The following PCDH15 variants were observed in gnomAD, a reference collection of about 807,000 sequenced individuals.
PCDH15 encodes the protein protocadherin related 15.
A neutral mutation model predicts 178.5 loss-of-function variants in PCDH15; 129 were observed. The observed-to-expected ratio is 0.72, with a 90% CI of 0.63 to 0.84. The LOEUF is 0.84. PCDH15 is among the 40% of genes least tolerant of loss of function. The probability of loss-of-function intolerance (pLI) is 0.00; values close to 1 mark genes in which losing one functional copy is unlikely to be tolerated. For synonymous variants in PCDH15, 800 were observed against 732.0 expected (o/e 1.09, Z -1.50); for missense variants, 2,230 against 2,099.9 (o/e 1.06, Z -1.21).
intron 3 of PCDH15, among the ~76,000 whole-genome samples, chr10:54,469,856 A>G (rs926532235): frequency 6.6e-6 from 1 of 152,082 alleles, no homozygotes; most frequent in Non-Finnish European, 1.5e-5. Flanking sequence ...ACAGGCTGCA[A>G]TGGCCAGTCT....
intron 20 of PCDH15, among the ~76,000 whole-genome samples, chr10:54,006,730 A>T (rs763730456): frequency 2.8e-4 from 42 of 152,082 alleles, no homozygotes; most frequent in Admixed American, 1.4e-3. Flanking sequence ...GGGTAGCAAT[A>T]TTTCTTTCTG....
chr10:54,008,684 T>C (rs762897922), intron 20 of PCDH15, among the ~76,000 whole-genome samples: 1 of 150,282 alleles, frequency 6.7e-6, no homozygotes, highest in Non-Finnish European at 1.5e-5. Flanking sequence ...TTTTTCGATC[T>C]GGGAAGAAAA....
chr10:54,897,404 T>C (rs1158481665), intron 3 of PCDH15: 2 of 152,322 alleles, frequency 1.3e-5, no homozygotes, highest in East Asian at 1.9e-4. Context: ...ACCGTTGACA[T>C]GAAATTTTAA....
At chr10:55,073,328 A>C (rs922325242) in intron 2 of PCDH15, among the ~76,000 whole-genome samples, 1 of 152,124 alleles carries the variant, frequency 6.6e-6, no homozygotes, top group Non-Finnish European at 1.5e-5. Flanking sequence ...TGCAGATGAC[A>C]TGATTGTATA....
Position 55,314,733 on chromosome 10 carries a change from T to C in PCDH15, c.-156+4866A>G, listed in dbSNP as rs564053621. Among the ~76,000 whole-genome samples, 5 of 152,298 alleles carry C rather than the reference T, an allele frequency of 3.3e-5. No homozygotes were observed. The South Asian group carries it at 1.0e-3, about 32-fold the overall frequency. On this transcript the variant is annotated intron_variant, in intron 1 of 5. Coordinates refer to the PCDH15 transcript ENST00000458638. ...TCTTCTTATTCTTATCTTAAGTAGC[T>C]CAGTTACGTTTTTCCACATCTAAGT...
At chr10:55,607,532 A>T (rs1225588300) in intron 2 of PCDH15, among the ~76,000 whole-genome samples, 42 of 140,528 alleles carry the variant, frequency 3.0e-4, no homozygotes, top group African/African-American at 1.0e-3. Flanking sequence ...GATTAAGAAA[A>T]TGTGGCACAT....
intron 2 of PCDH15, among the ~76,000 whole-genome samples, chr10:55,554,893 T>G (rs752169288): frequency 1.6e-4 from 24 of 152,170 alleles, no homozygotes; most frequent in African/African-American, 5.8e-4. Flanking sequence ...ATATAGACAG[T>G]TGTGAGGCAT....
intron 3 of PCDH15, among the ~76,000 whole-genome samples, chr10:54,460,487 C>T (rs1017106188): frequency 2.6e-5 from 4 of 151,900 alleles, no homozygotes; most frequent in Non-Finnish European, 2.9e-5. Flanking sequence ...AGAGTATATG[C>T]AAGGAGAAGG....
chr10:54,923,490 G>C (rs1837545742), intron 2 of PCDH15, among the ~76,000 whole-genome samples: 1 of 138,184 alleles, frequency 7.2e-6, no homozygotes, highest in Admixed American at 7.1e-5. Flanking sequence ...AAACTTTTAT[G>C]ATCTTTTTCC....
intron 11 of PCDH15, among the ~76,000 whole-genome samples, chr10:54,188,882 G>A (rs144884576): frequency 1.3e-5 from 2 of 151,782 alleles, no homozygotes; most frequent in Non-Finnish European, 2.9e-5. Context: ...GCATATACAA[G>A]AGCATACATA....
intron 1 of PCDH15, among the ~76,000 whole-genome samples, chr10:54,668,112 T>C (rs975427587): frequency 6.6e-6 from 1 of 152,040 alleles, no homozygotes; most frequent in Admixed American, 6.6e-5. Flanking sequence ...GCATTCAATG[T>C]TCTCAAAAAT....
At chr10:54,949,610 A>C (rs1023119313) in intron 2 of PCDH15, among the ~76,000 whole-genome samples, 1 of 152,006 alleles carries the variant, frequency 6.6e-6, no homozygotes, top group African/African-American at 2.4e-5. Flanking sequence ...CAAATTTTTC[A>C]AATTTTTATG....
intron 9 of PCDH15, among the ~76,000 whole-genome samples, chr10:54,230,001 C>T (rs953853497): frequency 1.3e-5 from 2 of 152,090 alleles, no homozygotes; most frequent in Non-Finnish European, 2.9e-5. Flanking sequence ...CAGGAATTGT[C>T]CTTGCTTTGA....
intron 2 of PCDH15, among the ~76,000 whole-genome samples, chr10:55,076,685 A>T (rs2132020196): frequency 6.7e-6 from 1 of 149,032 alleles, no homozygotes; most frequent in African/African-American, 2.5e-5. Context: ...TATCAAACTT[A>T]TGAACTCAGG....
At chr10:55,622,113 ATCTATAAATATATATAT>A (rs1837411625) in intron 2 of PCDH15, among the ~76,000 whole-genome samples, 1 of 64,512 alleles carries the variant, frequency 1.6e-5, no homozygotes, top group East Asian at 3.9e-4. Context: ...TATTATATAT[ATCTATAAATATATATAT>A]TATATATATT....
intron 1 of PCDH15, among the ~76,000 whole-genome samples, chr10:55,205,996 A>G (rs1840388578): frequency 6.6e-6 from 1 of 151,896 alleles, no homozygotes. Context: ...CTATCACGAG[A>G]ACAGCATGAG....
chr10:55,378,881 C>CTCTCTCTCTCTCTA (rs767955689), intron 2 of PCDH15, among the ~76,000 whole-genome samples: 2,335 of 117,826 alleles, frequency 0.02, 31 homozygotes, highest in East Asian at 0.035. Flanking sequence ...CTCCCCATCT[C>CTCTCTCTCTCTCTA]TCTCTCTCTC....
intron 3 of PCDH15, among the ~76,000 whole-genome samples, chr10:54,511,259 A>G (rs2081625563): frequency 6.6e-6 from 1 of 152,142 alleles, no homozygotes; most frequent in Non-Finnish European, 1.5e-5. Flanking sequence ...CCTTGTCAGT[A>G]TGAAGTAGTT....
intron 2 of PCDH15, among the ~76,000 whole-genome samples, chr10:55,059,669 C>T (rs1474525584): frequency 2.6e-5 from 4 of 152,026 alleles, no homozygotes; most frequent in Non-Finnish European, 5.9e-5. Flanking sequence ...AATTTTCTTG[C>T]TTATAATTCT....
Sources: allele counts gnomAD v4.1 joint callset (sites outside exome capture counted in the v4.1 genomes callset), GRCh38; gene constraint gnomAD v4.1.1; transcripts MANE v1.5; gene names NCBI Gene and HGNC (gene_info 2026-07-23, HGNC 2026-07-21).